Variants in SMOC1 observed in about 807,000 individuals in gnomAD.
SMOC1 encodes the protein SPARC-related modular calcium-binding protein 1.
A neutral mutation model predicts 56.3 loss-of-function variants in SMOC1; 22 were observed. That is an observed-to-expected ratio of 0.39 (90% CI 0.28 to 0.56). The LOEUF is 0.56. Ranked by LOEUF, SMOC1 falls within the 20% of genes least tolerant of loss-of-function variation. The pLI is 0.61. For missense variants in SMOC1, 509 were observed against 565.4 expected (o/e 0.90, Z 1.01); for synonymous variants, 193 against 215.0 (o/e 0.90, Z 0.89).
chr14:69,948,198 T>C (rs1224619784), intron 1 of SMOC1, among the ~76,000 whole-genome samples: 1 of 152,244 alleles, frequency 6.6e-6, no homozygotes. Context: ...CATAGTCATC[T>C]GGTTAAAGCT....
At chr14:69,980,053 C>G (rs910342869) in intron 5 of SMOC1, among the ~76,000 whole-genome samples, 3 of 151,824 alleles carry the variant, frequency 2.0e-5, no homozygotes, top group African/African-American at 7.2e-5. Flanking sequence ...TCTCACTGGT[C>G]CAGCTGGAAG....
chr14:69,971,853 C>A (rs1210441216), intron 3 of SMOC1, among the ~76,000 whole-genome samples: 1 of 152,176 alleles, frequency 6.6e-6, no homozygotes, highest in African/African-American at 2.4e-5. Context: ...CCTTTGCAAA[C>A]GTTTTGCTGA....
At chr14:69,922,226 G>A (rs1367519959) in intron 1 of SMOC1, among the ~76,000 whole-genome samples, 2 of 152,206 alleles carry the variant, frequency 1.3e-5, no homozygotes, top group Non-Finnish European at 2.9e-5. Flanking sequence ...CAGGCTGGGA[G>A]GATACACTGA....
At chr14:69,883,686 T>A (rs540225795) in intron 1 of SMOC1, among the ~76,000 whole-genome samples, 1 of 152,252 alleles carries the variant, frequency 6.6e-6, no homozygotes, top group Admixed American at 6.5e-5. Flanking sequence ...TGCTTTAAAT[T>A]TTTTGAGGAA....
intron 5 of SMOC1, among the ~76,000 whole-genome samples, chr14:69,987,454 T>C (rs1362531515): frequency 6.6e-6 from 1 of 152,150 alleles, no homozygotes; most frequent in African/African-American, 2.4e-5. Context: ...GACATTTGCT[T>C]TTGAAGGACC....
At chr14:69,983,273 C>A (rs1415820250) in intron 5 of SMOC1, among the ~76,000 whole-genome samples, 1 of 152,174 alleles carries the variant, frequency 6.6e-6, no homozygotes, top group Non-Finnish European at 1.5e-5. Context: ...TCATTTGAAT[C>A]CCTGGTGTTA....
chr14:70,011,029 G>A, intron 8 of SMOC1, 83 bp downstream of exon 8: 1 of 1,527,242 alleles, frequency 6.5e-7, no homozygotes, highest in South Asian at 1.1e-5. Context: ...TCCTGCCCTG[G>A]TCTGGTGGGA....
At chr14:69,896,554 C>A (rs1884104310) in intron 1 of SMOC1, among the ~76,000 whole-genome samples, 1 of 152,126 alleles carries the variant, frequency 6.6e-6, no homozygotes, top group Admixed American at 6.5e-5. Context: ...TGTAAGAACC[C>A]AAAATTAGAT....
At chr14:70,001,727 G>C (rs1333788465) in intron 7 of SMOC1, among the ~76,000 whole-genome samples, 2 of 152,144 alleles carry the variant, frequency 1.3e-5, no homozygotes, top group African/African-American at 4.8e-5. Flanking sequence ...GCAACTTACT[G>C]TGCCACCAGG....
At chr14:69,906,308 A>G (rs989772509) in intron 1 of SMOC1, among the ~76,000 whole-genome samples, 1 of 152,064 alleles carries the variant, frequency 6.6e-6, no homozygotes, top group African/African-American at 2.4e-5. Context: ...TAGGACATTC[A>G]CCTTTGGAGC....
intron 3 of SMOC1, among the ~76,000 whole-genome samples, chr14:69,954,088 C>T (rs1883104234): frequency 6.6e-6 from 1 of 152,198 alleles, no homozygotes; most frequent in Admixed American, 6.5e-5. Flanking sequence ...TCCTACCTCT[C>T]ATCTTGCATG....
intron 1 of SMOC1, among the ~76,000 whole-genome samples, chr14:69,946,906 C>T (rs535869111): frequency 2.0e-5 from 3 of 152,206 alleles, no homozygotes; most frequent in East Asian, 3.9e-4. Flanking sequence ...ACCCCCCATC[C>T]CTCTTGCTTC....
At chr14:70,023,096 G>A (rs1207552649) in intron 10 of SMOC1, 107 bp from the exon 11 acceptor site, 2 of 1,572,150 alleles carry the variant, frequency 1.3e-6, no homozygotes, top group Non-Finnish European at 1.7e-6. Context: ...TTGGCTTGGA[G>A]GAGCCGTTTC....
intron 3 of SMOC1, among the ~76,000 whole-genome samples, chr14:69,971,501 G>A (rs1441457546): frequency 1.3e-5 from 2 of 152,156 alleles, no homozygotes; most frequent in African/African-American, 4.8e-5. Flanking sequence ...TACCTTTTGG[G>A]CCAGAACAAC....
rs1566702562 is a variant in SMOC1, at chr14:69,992,620, A to G, written c.583+147A>G. 3.4e-5 allele frequency: 24 copies of G among 710,646 alleles called. No individual in the cohort carries two copies. In the South Asian group the frequency reaches 4.1e-4, roughly 12 times the overall value. 44.0% of individuals were successfully genotyped at this position (710,646 alleles called of 1,614,324 possible). A position where few individuals can be genotyped will look rare whatever the true frequency, so the allele number is the denominator to read the frequency against. Reference sequence around the variant, plus strand: ...TTCCCAGTGTAAGCTGGGTTGTTTTAACCTTTTTAAAAAATGCAGATCCTC... The same window carrying G: ...TTCCCAGTGTAAGCTGGGTTGTTTTGACCTTTTTAAAAAATGCAGATCCTC... On this transcript the variant is annotated intron_variant, in intron 6 of 11. Transcript: ENST00000361956.
chr14:69,885,722 A>G (rs936799235), intron 1 of SMOC1: 3 of 1,460,154 alleles, frequency 2.1e-6, no homozygotes, highest in African/African-American at 1.4e-5. Context: ...GACAGTGTTA[A>G]CTCCTGCTCG....
intron 1 of SMOC1, among the ~76,000 whole-genome samples, chr14:69,943,656 A>T (rs1882664015): frequency 1.4e-5 from 2 of 141,852 alleles, no homozygotes; most frequent in South Asian, 4.3e-4. Context: ...TGTTCCAGGC[A>T]TTGGCTCCAA....
chr14:69,982,681 G>A (rs1353620239), intron 5 of SMOC1, among the ~76,000 whole-genome samples: 2 of 152,352 alleles, frequency 1.3e-5, no homozygotes, highest in Admixed American at 6.5e-5. Flanking sequence ...CTGCTCACAT[G>A]ACTTAAATCT....
At chr14:70,002,471 T>C (rs569482830) in intron 7 of SMOC1, among the ~76,000 whole-genome samples, 38 of 152,340 alleles carry the variant, frequency 2.5e-4, no homozygotes, top group African/African-American at 8.7e-4. Flanking sequence ...TTTCCTTTTC[T>C]GGGCCAGTTG....
Sources: gnomAD v4.1 joint callset for allele counts (sites outside exome capture counted in the v4.1 genomes callset) on GRCh38, gnomAD v4.1.1 for gene constraint, MANE v1.5 for transcripts, NCBI Gene and HGNC (gene_info 2026-07-23, HGNC 2026-07-21) for gene names.